DOP1B: variants seen among roughly 807,000 people sequenced by gnomAD.
DOP1B encodes the protein DOP1 leucine zipper like protein B, also known as protein DOP1B.
In DOP1B, 174 loss-of-function variants were observed where a neutral mutation model predicts 233.5. The ratio of observed to expected loss-of-function variants is 0.75; its 90% CI spans 0.66 to 0.85. DOP1B has a LOEUF of 0.85. DOP1B is among the 40% of genes least tolerant of loss of function. DOP1B has a pLI of 0.00. For synonymous variants in DOP1B, 1,190 were observed against 1,185.6 expected (o/e 1.00, Z -0.08); for missense variants, 2,652 against 2,846.6 (o/e 0.93, Z 1.56).
rs747053271 is a variant in DOP1B at position 36,200,452 on chromosome 21, A to T, written c.442A>T (p.Ile148Phe). Residue 148 changes from isoleucine (I) to phenylalanine (F), a missense_variant, in exon 4 of 37, where the codon ATC becomes TTC. Ile to Phe is a conservative substitution (Grantham distance 21). Coordinates refer to ENST00000691173, the MANE Select transcript of DOP1B (RefSeq NM_001320714.2). The part of the protein sequence containing the change: ...KLLLPSLQAF[I>F]VGLLPGLEEG... ...GCTCCTGCCCAGTCTGCAGGCCTTC[A>T]TCGTGGGCCTGCTGCCCGGCCTTGA... 6.2e-6 allele frequency: 10 copies of T among 1,613,052 alleles called. No homozygotes were observed. Among genetic ancestry groups the T allele is most frequent in the Middle Eastern group, 1.7e-4 (1 of 6,060 alleles).
Position 36,230,662 on chromosome 21 carries a change from G to C in DOP1B, c.1878G>C (p.Thr626=). Residue 626 remains threonine, a synonymous_variant, in exon 14 of 37, where the codon ACG becomes ACC. Coordinates refer to ENST00000691173, the MANE Select transcript of DOP1B (RefSeq NM_001320714.2). ...VWKKGGSMQR[T]FLCIQELIAN... ...AGAAGGGCGGGAGCATGCAGAGGAC[G>C]TTTCTTTGCATCCAAGAGCTAATCG... The C allele has an allele frequency of 6.2e-7, 1 of 1,614,192 alleles. No homozygotes were observed. The highest frequency in any genetic ancestry group is 8.5e-7 in the Non-Finnish European group (1 of 1,180,032).
rs1439611565 is a variant in DOP1B, at chr21:36,248,545, T to A, written c.4975T>A (p.Ser1659Thr). 14 of 1,610,236 alleles carry A rather than the reference T, an allele frequency of 8.7e-6. No individual in the cohort carries two copies. Among genetic ancestry groups the A allele is most frequent in the African/African-American group, 1.3e-5 (1 of 74,808 alleles). ...DLLGATKGSSSVYFKTTKTIR... is the reference protein window; with the variant it reads ...DLLGATKGSSTVYFKTTKTIR... ...CCTAGGGGCCACGAAGGGATCCTCT[T>A]CCGTTTACTTTAAAACCACCAAAGT... is the stretch of plus-strand genomic sequence containing the variant. Residue 1659 changes from serine (S) to threonine (T), a missense_variant, in exon 21 of 37, where the codon TCC becomes ACC. By Grantham distance (58) the Ser-to-Thr change is moderately conservative. This residue lies in a region of DOP1B where 2,617 missense variants were observed against 2,794.3 expected (regional missense o/e 0.94). Transcript: ENST00000691173.
intron 2 of DOP1B, among the ~76,000 whole-genome samples, chr21:36,192,188 A>G (rs1467676360): frequency 6.6e-6 from 1 of 151,924 alleles, no homozygotes; most frequent in Non-Finnish European, 1.5e-5. Flanking sequence ...GCGAAACCCC[A>G]TCTCTACAAA....
chr21:36,204,779 C>T (rs1005778649), intron 4 of DOP1B, among the ~76,000 whole-genome samples: 7 of 151,524 alleles, frequency 4.6e-5, no homozygotes, highest in Non-Finnish European at 8.8e-5. Flanking sequence ...CTCAGCCTCC[C>T]GAGTAGCTGG....
intron 2 of DOP1B, among the ~76,000 whole-genome samples, chr21:36,188,526 CT>C (rs61541632): frequency 0.14 from 21,494 of 152,250 alleles, 1,821 homozygotes; most frequent in South Asian, 0.21. Context: ...ACAGTGCCCC[CT>C]GGCAGGTGCT....
chr21:36,270,229 T>TTGAGTG, intron 27 of DOP1B, 72 bp downstream of exon 27: 1 of 1,509,988 alleles, frequency 6.6e-7, no homozygotes, highest in Non-Finnish European at 9.0e-7. Context: ...AAGAGAGATC[T>TTGAGTG]TGAGTGTTCT....
At chr21:36,206,547 T>C (rs566335021) in intron 4 of DOP1B, among the ~76,000 whole-genome samples, 1 of 149,804 alleles carries the variant, frequency 6.7e-6, no homozygotes, top group Non-Finnish European at 1.5e-5. Context: ...AAAAAAAAAT[T>C]ATTTCTTTAA....
At chr21:36,192,714 G>A (rs897095701) in intron 2 of DOP1B, among the ~76,000 whole-genome samples, 1 of 142,178 alleles carries the variant, frequency 7.0e-6, no homozygotes, top group African/African-American at 2.6e-5. Context: ...TTGAAATGGA[G>A]TCTCACTCTG....
At chr21:36,214,703 G>T in intron 9 of DOP1B, 147 bp downstream of exon 9, 1 of 786,028 alleles carries the variant, frequency 1.3e-6, no homozygotes, top group Admixed American at 2.8e-5. Context: ...ATGTTATATG[G>T]TTCAATGATC....
At chr21:36,286,522 G>A (rs1353625111) in intron 32 of DOP1B, among the ~76,000 whole-genome samples, 1 of 151,660 alleles carries the variant, frequency 6.6e-6, no homozygotes, top group Non-Finnish European at 1.5e-5. Context: ...TATAATCCCA[G>A]CTACTCGGGA....
At chr21:36,225,495 T>C (rs2066671506) in intron 11 of DOP1B, 70 bp from the exon 12 acceptor site, 2 of 1,558,954 alleles carry the variant, frequency 1.3e-6, no homozygotes, top group Admixed American at 3.4e-5. Context: ...CCTCCCAAAG[T>C]GTTAAGATTA....
intron 35 of DOP1B, among the ~76,000 whole-genome samples, chr21:36,290,606 C>G (rs1441461403): frequency 6.6e-6 from 1 of 152,088 alleles, no homozygotes; most frequent in Non-Finnish European, 1.5e-5. Context: ...GCCTGACCAA[C>G]ATGGAGAAAA....
At chr21:36,271,803 G>T (rs1391209117) in intron 27 of DOP1B, among the ~76,000 whole-genome samples, 1 of 152,160 alleles carries the variant, frequency 6.6e-6, no homozygotes, top group Non-Finnish European at 1.5e-5. Flanking sequence ...TGATGAGAAT[G>T]TGTGTGTTTC....
chr21:36,280,742 G>A (rs966494062), intron 31 of DOP1B, among the ~76,000 whole-genome samples: 2 of 152,122 alleles, frequency 1.3e-5, no homozygotes, highest in African/African-American at 4.8e-5. Flanking sequence ...GGTGGCTCAC[G>A]CCTGTAATCC....
chr21:36,237,402 G>A lies in DOP1B; in HGVS notation c.2763G>A (p.Leu921=). The stretch of plus-strand genomic sequence containing the variant: ...AGGACATCATCTGCCATGCCCTCCT[G>A]GACCCTGACAAGGTGAGCCTTTCTG... ...ICEDIICHAL[L]DPDKGTRLEA... Residue 921 remains leucine (L), a synonymous_variant, in exon 16 of 37, where the codon CTG becomes CTA. Transcript: ENST00000691173. 1 of 1,614,050 alleles carries A rather than the reference G, an allele frequency of 6.2e-7. No individual in the cohort carries two copies. The highest frequency in any genetic ancestry group is 8.5e-7 in the Non-Finnish European group (1 of 1,180,018).
intron 18 of DOP1B, among the ~76,000 whole-genome samples, chr21:36,240,300 T>A (rs964521347): frequency 6.6e-6 from 1 of 151,982 alleles, no homozygotes; most frequent in African/African-American, 2.4e-5. Context: ...GCCAATATGG[T>A]GAAACCCCGT....
intron 24 of DOP1B, chr21:36,261,035 C>G: frequency 9.0e-7 from 1 of 1,117,100 alleles, no homozygotes; most frequent in Non-Finnish European, 1.1e-6. Flanking sequence ...AAGAAAAAAA[C>G]CACATATAGG....
Position 36,200,357 on chromosome 21 carries a change from A to G in DOP1B, c.347A>G (p.His116Arg), listed in dbSNP as rs2066346927. 6.2e-7 allele frequency: 1 copy of G among 1,604,292 alleles called. No homozygotes were observed. The highest frequency in any genetic ancestry group is 8.5e-7 in the Non-Finnish European group (1 of 1,176,424). Residue 116 changes from histidine to arginine, a missense_variant, in exon 4 of 37, where the codon CAC becomes CGC. His to Arg is a conservative substitution (Grantham distance 29). Transcript: ENST00000691173. ...YSCGLFPLLA[H>R]AAVSVRPVLL... The stretch of plus-strand genomic sequence containing the variant: ...TGCGGGTTATTTCCTCTCCTGGCAC[A>G]CGCGGCGGTGTCGGTGAGGCCGGTG...
intron 2 of DOP1B, 101 bp from the exon 3 acceptor site, chr21:36,198,969 A>G: frequency 1.6e-6 from 2 of 1,276,738 alleles, no homozygotes; most frequent in Non-Finnish European, 1.1e-6. Flanking sequence ...TTACAGCCAC[A>G]CTGGGACATG....
Sources: allele counts gnomAD v4.1 joint callset (sites outside exome capture counted in the v4.1 genomes callset), GRCh38; gene constraint gnomAD v4.1.1; regional missense constraint gnomAD v4.1.1; transcripts MANE v1.5; gene names NCBI Gene and HGNC (gene_info 2026-07-23, HGNC 2026-07-21).